SMARCA2: variants seen among roughly 807,000 people sequenced by gnomAD.
SMARCA2 encodes the protein SWI/SNF related BAF chromatin remodeling complex subunit ATPase 2.
SMARCA2 carries 61 observed loss-of-function variants against 199.8 expected under a neutral mutation model. The observed-to-expected ratio is 0.31, with a 90% CI of 0.25 to 0.38. The LOEUF (loss-of-function observed/expected upper bound fraction) is 0.38. Among genes scored for constraint, SMARCA2 ranks in the 10% least tolerant of loss-of-function variants. The pLI, the probability that SMARCA2 is intolerant of heterozygous loss-of-function variation, is 1.00. For synonymous variants in SMARCA2, 935 were observed against 732.0 expected, an observed-to-expected ratio of 1.28 and a Z score of -4.48; for missense variants, 1,344 against 2,012.2, an observed-to-expected ratio of 0.67 and a Z score of 6.35.
At chr9:2,034,971 T>G (rs1819258070) in intron 3 of SMARCA2, among the ~76,000 whole-genome samples, 2 of 152,246 alleles carry the variant, frequency 1.3e-5, no homozygotes, top group Admixed American at 1.3e-4. Context: ...CATTTACATT[T>G]GAAGGGGCCA....
Position 2,170,577 on chromosome 9 carries a change from C to A in SMARCA2, c.4253+105C>A. On this transcript the variant is annotated intron_variant, in intron 29 of 33. Coordinates refer to ENST00000349721, the MANE Select transcript of SMARCA2 (RefSeq NM_003070.5). The surrounding 1 kb of genome is among the most constrained non-coding windows in gnomAD (Gnocchi z 4.7). ...GCCTTTGGAAGCAAATTTCTTCGGT[C>A]ACCTCCTGATCACCCCTACTTGGAG... The A allele has an allele frequency of 1.3e-6, 2 of 1,576,374 alleles. No individual in the cohort carries two copies. The highest frequency in any genetic ancestry group is 1.2e-5 in the South Asian group (1 of 86,652).
chr9:2,076,395 A>G (rs1282572416), intron 13 of SMARCA2, 66 bp downstream of exon 13: 2 of 1,093,800 alleles, frequency 1.8e-6, no homozygotes, highest in Non-Finnish European at 2.8e-6. Flanking sequence ...ATTTTCTTTT[A>G]GGAAATTTTG....
At chr9:2,072,420 T>C (rs1329317211) in intron 10 of SMARCA2, among the ~76,000 whole-genome samples, 1 of 152,234 alleles carries the variant, frequency 6.6e-6, no homozygotes, top group Admixed American at 6.5e-5. Context: ...AACTTTAGCT[T>C]AATTTTTGGT....
Position 2,047,247 on chromosome 9 carries a change from G to A in SMARCA2, c.809G>A (p.Ser270Asn). Residue 270 changes from serine to asparagine, a missense_variant, in exon 5 of 34, where the codon AGC becomes AAC. Physicochemically the swap from Ser to Asn is conservative, Grantham distance 46. This residue lies in a region of SMARCA2 where 117 missense variants were observed against 99.1 expected (regional missense o/e 1.18). Coordinates refer to ENST00000349721, the MANE Select transcript of SMARCA2 (RefSeq NM_003070.5). ...NRPSGPGPELSGPSTPQKLPV... is the reference protein window; with the variant it reads ...NRPSGPGPELNGPSTPQKLPV... ...CCCGCAGGCCCGGGGCCGGAGCTGA[G>A]CGGCCCGAGCACCCCGCAGAAGCTG... 6.9e-6 allele frequency: 7 copies of A among 1,008,740 alleles called. No individual in the cohort carries two copies. The highest frequency in any genetic ancestry group is 8.3e-6 in the Non-Finnish European group (7 of 845,872). 62.5% of individuals were successfully genotyped at this position (1,008,740 alleles called of 1,614,324 possible).
At chr9:2,137,325 C>A (rs752758848) in intron 27 of SMARCA2, among the ~76,000 whole-genome samples, 12 of 152,202 alleles carry the variant, frequency 7.9e-5, no homozygotes, top group Non-Finnish European at 1.8e-4. Flanking sequence ...GCATCAGGTT[C>A]TCCAGTGGCC....
At chr9:2,102,650 C>G (rs1300019735) in intron 22 of SMARCA2, among the ~76,000 whole-genome samples, 1 of 152,158 alleles carries the variant, frequency 6.6e-6, no homozygotes, top group African/African-American at 2.4e-5. Context: ...TTTAGCCTTT[C>G]TCCATATCAC....
intron 27 of SMARCA2, among the ~76,000 whole-genome samples, chr9:2,136,175 A>G (rs1046020198): frequency 3.2e-4 from 45 of 139,108 alleles, no homozygotes; most frequent in Non-Finnish European, 6.0e-4. Context: ...AATAATAATT[A>G]TCCCCTGCTT....
intron 4 of SMARCA2, among the ~76,000 whole-genome samples, chr9:2,046,561 TAAAAGA>T (rs1420419262): frequency 6.6e-6 from 1 of 152,164 alleles, no homozygotes; most frequent in Non-Finnish European, 1.5e-5. Flanking sequence ...TTATAGGCCT[TAAAAGA>T]AAAAGTGTGT....
At chr9:2,084,412 G>A (rs1007646910) in intron 17 of SMARCA2, among the ~76,000 whole-genome samples, 1 of 145,072 alleles carries the variant, frequency 6.9e-6, no homozygotes, top group Non-Finnish European at 1.5e-5. Context: ...GTGTGTGTGT[G>A]TGTGTTTATG....
At position 2,191,257 on chromosome 9, in the gene SMARCA2, T is replaced by C. The variant is rs1349248103; in HGVS notation, c.4595-9T>C. ...TCACTGGTGTCTATTTCATTTGCTT[T>C]GGTTTTAGCAAAATCAGTCAAGGTG... On this transcript the variant is annotated splice_polypyrimidine_tract_variant and intron_variant, in intron 32 of 33. Transcript: ENST00000349721. 2 of 1,613,600 alleles carry C rather than the reference T, an allele frequency of 1.2e-6. No individual in the cohort carries two copies. The highest frequency in any genetic ancestry group is 2.7e-5 in the African/African-American group (2 of 74,858).
At chr9:2,188,373 C>A (rs1586819613) in intron 32 of SMARCA2, among the ~76,000 whole-genome samples, 1 of 151,956 alleles carries the variant, frequency 6.6e-6, no homozygotes, top group African/African-American at 2.4e-5. Flanking sequence ...TCCATTCTTG[C>A]CCTCAACATA....
At chr9:2,147,881 G>C (rs758672677) in intron 27 of SMARCA2, among the ~76,000 whole-genome samples, 1 of 150,496 alleles carries the variant, frequency 6.6e-6, no homozygotes, top group Non-Finnish European at 1.5e-5. Context: ...CCAGGCTGTA[G>C]TGCAGTGGCA....
At chr9:2,165,086 G>C (rs1002480239) in intron 28 of SMARCA2, among the ~76,000 whole-genome samples, 1 of 152,198 alleles carries the variant, frequency 6.6e-6, no homozygotes, top group African/African-American at 2.4e-5. Context: ...ACTGTGTTGA[G>C]ATTTTTGCAC....
intron 27 of SMARCA2, among the ~76,000 whole-genome samples, chr9:2,152,464 G>A (rs567297926): frequency 5.9e-5 from 9 of 152,282 alleles, no homozygotes; most frequent in African/African-American, 2.2e-4. Context: ...GAAGGCTGAA[G>A]CAGAATTGAA....
chr9:2,113,774 A>C (rs1298031409), intron 24 of SMARCA2, among the ~76,000 whole-genome samples: 2 of 152,122 alleles, frequency 1.3e-5, no homozygotes, highest in African/African-American at 4.8e-5. Flanking sequence ...TGTTCTATTC[A>C]TATTCTGCTG....
chr9:2,160,349 A>C (rs570035184), intron 27 of SMARCA2: 52 of 497,716 alleles, frequency 1.0e-4, no homozygotes, highest in Non-Finnish European at 1.6e-4. Flanking sequence ...ACTGTCCCTT[A>C]GGAATCTGTC....
In SMARCA2 at chr9:2,164,061, T is replaced by C. The variant is rs73393352; in HGVS notation, c.4199+2158T>C. Among the ~76,000 whole-genome samples, 1,382 of 152,272 alleles carry C rather than the reference T, an allele frequency of 9.1e-3. 19 individuals carry two copies. The highest frequency in any genetic ancestry group is 0.032 in the African/African-American group (1,317 of 41,568). On this transcript the variant is annotated intron_variant, in intron 28 of 33. Coordinates refer to ENST00000349721, the MANE Select transcript of SMARCA2 (RefSeq NM_003070.5). ...GCATGAAGAAGTGGCCATCCTTTCA[T>C]TGGCAGCATCGCGCTCTAGGTTGTC...
chr9:2,057,249 G>T (rs570563618), intron 7 of SMARCA2, among the ~76,000 whole-genome samples: 1 of 152,212 alleles, frequency 6.6e-6, no homozygotes, highest in Non-Finnish European at 1.5e-5. Flanking sequence ...GTTGCAAACT[G>T]TTAACTTCTC....
At chr9:2,143,654 A>G (rs1023369747) in intron 27 of SMARCA2, among the ~76,000 whole-genome samples, 1 of 152,222 alleles carries the variant, frequency 6.6e-6, no homozygotes, top group Non-Finnish European at 1.5e-5. Flanking sequence ...GTGATAAGGG[A>G]AACTGATCAT....
Sources: allele counts gnomAD v4.1 joint callset (sites outside exome capture counted in the v4.1 genomes callset), GRCh38; gene constraint gnomAD v4.1.1; regional missense constraint gnomAD v4.1.1; non-coding constraint Gnocchi (gnomAD v3.1); transcripts MANE v1.5; gene names NCBI Gene and HGNC (gene_info 2026-07-23, HGNC 2026-07-21).